Variants in SNX14 observed in about 807,000 individuals in gnomAD.
The protein encoded by SNX14 is sorting nexin 14.
In SNX14, 93 loss-of-function variants were observed where a neutral mutation model predicts 133.8. The ratio of observed to expected loss-of-function variants is 0.70; its 90% CI spans 0.59 to 0.83. The LOEUF (loss-of-function observed/expected upper bound fraction) is 0.83. Ranked by LOEUF, SNX14 falls within the 40% of genes least tolerant of loss-of-function variation. The pLI is 0.00. For missense variants in SNX14, 945 were observed against 1,094.9 expected (o/e 0.86, Z 1.93); for synonymous variants, 368 against 365.6 (o/e 1.01, Z -0.07).
At chr6:85,529,289 T>G in intron 19 of SNX14, among the ~76,000 whole-genome samples, 4 of 107,720 alleles carry the variant, frequency 3.7e-5, no homozygotes, top group African/African-American at 1.1e-4. Flanking sequence ...AGGAAGGAAA[T>G]AAGGAAATGA....
At chr6:85,573,872 G>A (rs555768248) in intron 2 of SNX14, among the ~76,000 whole-genome samples, 28 of 152,180 alleles carry the variant, frequency 1.8e-4, no homozygotes, top group Admixed American at 3.3e-4. Context: ...TTAATTTATT[G>A]TCCTCACGGT....
chr6:85,579,449 A>C (rs1256195596), intron 1 of SNX14, among the ~76,000 whole-genome samples: 4 of 152,210 alleles, frequency 2.6e-5, no homozygotes, highest in African/African-American at 4.8e-5. Flanking sequence ...AAGAATCAAA[A>C]ACCAGGTGAC....
At chr6:85,517,976 T>A in intron 22 of SNX14, 32 bp downstream of exon 22, 1 of 1,590,118 alleles carries the variant, frequency 6.3e-7, no homozygotes, top group Non-Finnish European at 8.6e-7. Context: ...ATGATTATCA[T>A]GTTATAGAAC....
rs752544531 is a variant in SNX14, at chr6:85,547,237, G to A, written c.994-11C>T. On this transcript the variant is annotated splice_polypyrimidine_tract_variant and intron_variant, in intron 11 of 28. Coordinates refer to ENST00000314673, the MANE Select transcript of SNX14 (RefSeq NM_153816.6). ...TTCTAACTTCAGCACCTTGATATAA[G>A]AGAAAGATTAAGTTTAAGCTATATA... The A allele has an allele frequency of 5.0e-6, 8 of 1,612,804 alleles. No homozygotes were observed. Among genetic ancestry groups the A allele is most frequent in the Middle Eastern group, 1.7e-4 (1 of 6,060 alleles).
At chr6:85,537,071 A>G in intron 16 of SNX14, 147 bp from the exon 17 acceptor site, 1 of 725,644 alleles carries the variant, frequency 1.4e-6, no homozygotes, top group South Asian at 3.4e-5. Context: ...GTTTTCATAC[A>G]CGGATTAAGT....
chr6:85,514,641 G>T lies in SNX14; in HGVS notation c.2269-12C>A, dbSNP rs750117633. ...AGATCATTGAAAAGCTAAAATAAAA[G>T]TTGGAATAATAAAGAGATATATAGT... On this transcript the variant is annotated splice_polypyrimidine_tract_variant and intron_variant, in intron 23 of 28. Coordinates refer to ENST00000314673, the MANE Select transcript of SNX14 (RefSeq NM_153816.6). 71 of 1,604,744 alleles carry T rather than the reference G, an allele frequency of 4.4e-5. No homozygotes were observed. The highest frequency in any genetic ancestry group is 1.3e-4 in the Admixed American group (8 of 59,904).
chr6:85,589,745 T>C (rs986709627), intron 1 of SNX14: 2 of 152,254 alleles, frequency 1.3e-5, no homozygotes, highest in Admixed American at 6.5e-5. Flanking sequence ...GCACAACACC[T>C]GGGCATAGTT....
intron 23 of SNX14, among the ~76,000 whole-genome samples, chr6:85,516,523 A>G (rs780935681): frequency 2.6e-5 from 4 of 152,174 alleles, no homozygotes; most frequent in Non-Finnish European, 5.9e-5. Context: ...TCTACCAAAA[A>G]TAAAAAATGC....
rs1046703271 is a variant in SNX14 at position 85,526,969 on chromosome 6, C to T, written c.1996-732G>A. 3.3e-5 allele frequency among the ~76,000 whole-genome samples: 5 copies of T among 151,768 alleles called. No individual in the cohort carries two copies. The East Asian group carries it at 5.8e-4, about 18-fold the overall frequency. ...CTGTAATCCCAGCTACTTGGGAGGCCGAGGCTGGAGAATCGGTTGAACTCG... is the reference window on the plus strand; with the variant it reads ...CTGTAATCCCAGCTACTTGGGAGGCTGAGGCTGGAGAATCGGTTGAACTCG... On this transcript the variant is annotated intron_variant, in intron 20 of 28. Coordinates refer to ENST00000314673, the MANE Select transcript of SNX14 (RefSeq NM_153816.6).
intron 26 of SNX14, among the ~76,000 whole-genome samples, chr6:85,511,802 T>C (rs897557570): frequency 3.3e-5 from 5 of 152,246 alleles, no homozygotes; most frequent in African/African-American, 1.2e-4. Flanking sequence ...CTGGTTCTGA[T>C]ACTTGCTCTT....
At chr6:85,562,924 A>C (rs1792240173) in intron 6 of SNX14, among the ~76,000 whole-genome samples, 1 of 151,982 alleles carries the variant, frequency 6.6e-6, no homozygotes, top group South Asian at 2.1e-4. Context: ...AGATTACCAA[A>C]CTGCCCTCAA....
At chr6:85,587,608 T>TA (rs1245853718) in intron 1 of SNX14, among the ~76,000 whole-genome samples, 2 of 152,118 alleles carry the variant, frequency 1.3e-5, no homozygotes, top group Non-Finnish European at 2.9e-5. Flanking sequence ...TAGCTGGGAC[T>TA]ACAGGCACAC....
rs758491411 is a variant in SNX14, at chr6:85,508,039, C to T, written c.2674G>A (p.Gly892Ser). The T allele has an allele frequency of 6.2e-7, 1 of 1,612,360 alleles. No individual in the cohort carries two copies. The highest frequency in any genetic ancestry group is 1.7e-5 in the Admixed American group (1 of 59,866). The change falls in exon 27 of 29, where the codon GGT becomes AGT. Residue 892 changes from glycine to serine, a missense_variant. Physicochemically the swap from Gly to Ser is moderately conservative, Grantham distance 56. This residue lies in a region of SNX14 where 412 missense variants were observed against 516.6 expected (regional missense o/e 0.80). Coordinates refer to ENST00000314673, the MANE Select transcript of SNX14 (RefSeq NM_153816.6). ...ATGCTTTCATACTTGGTTTCTTCAC[C>T]AATACACTTGACTAACAGATCTAAA... The part of the protein sequence containing the change: ...YIPDLLVKCI[G>S]EETKYESIRL...
intron 16 of SNX14, among the ~76,000 whole-genome samples, chr6:85,537,806 G>A (rs1006510624): frequency 2.6e-5 from 4 of 152,148 alleles, no homozygotes; most frequent in East Asian, 3.9e-4. Flanking sequence ...AAAATTAGCC[G>A]GGCGAGGTGG....
chr6:85,572,460 A>G, intron 2 of SNX14, 86 bp from the exon 3 acceptor site: 7 of 1,023,820 alleles, frequency 6.8e-6, no homozygotes, highest in South Asian at 1.5e-5. Context: ...AGAAGTTTTT[A>G]AAATCAATGT....
chr6:85,543,250 C>T lies in SNX14; in HGVS notation c.1321G>A (p.Glu441Lys), dbSNP rs1401464352. 2 of 1,601,650 alleles carry T rather than the reference C, an allele frequency of 1.2e-6. No individual in the cohort carries two copies. Among genetic ancestry groups the T allele is most frequent in the Non-Finnish European group, 1.7e-6 (2 of 1,175,318 alleles). Reference protein sequence around the residue: ...VKLQTMRCLFEAYEHVLSLLE... With the variant: ...VKLQTMRCLFKAYEHVLSLLE... The stretch of plus-strand genomic sequence containing the variant: ...AGGGAAAGAACATGTTCATATGCTT[C>T]AAAAAGACATCTCATAGTTTGAAGT... The change falls in exon 14 of 29, where the codon GAA becomes AAA. Residue 441 changes from glutamate (E) to lysine (K), a missense_variant. By Grantham distance (56) the Glu-to-Lys change is moderately conservative. Coordinates refer to ENST00000314673, the MANE Select transcript of SNX14 (RefSeq NM_153816.6).
intron 7 of SNX14, among the ~76,000 whole-genome samples, chr6:85,552,100 G>GATCTCGGCTCACTGC (rs1176740659): frequency 1.0e-4 from 15 of 147,628 alleles, no homozygotes; most frequent in African/African-American, 3.5e-4. Context: ...GCAGTGGCGG[G>GATCTCGGCTCACTGC]ATCTCGGCTC....
At chr6:85,563,119 T>C (rs1375986340) in intron 6 of SNX14, among the ~76,000 whole-genome samples, 2 of 152,218 alleles carry the variant, frequency 1.3e-5, no homozygotes, top group East Asian at 1.9e-4. Context: ...TATCTTTTTT[T>C]TGTGAACTAC....
Position 85,541,969 on chromosome 6 carries a change from A to G in SNX14, c.1448+16T>C, listed in dbSNP as rs1214264197. 3.2e-6 allele frequency: 5 copies of G among 1,585,248 alleles called. No individual in the cohort carries two copies. Among genetic ancestry groups the G allele is most frequent in the Non-Finnish European group, 4.3e-6 (5 of 1,168,520 alleles). The stretch of plus-strand genomic sequence containing the variant: ...GACTGGCATCAGCAAGTTCAAAAAC[A>G]AAACATACAACCTACCTGTTCAATT... On this transcript the variant is annotated intron_variant, in intron 15 of 28. Transcript: ENST00000314673.
Sources: gnomAD v4.1 joint callset for allele counts (sites outside exome capture counted in the v4.1 genomes callset) on GRCh38, gnomAD v4.1.1 for gene constraint, gnomAD v4.1.1 regional missense constraint, MANE v1.5 for transcripts, NCBI Gene and HGNC (gene_info 2026-07-23, HGNC 2026-07-21) for gene names.